PIGA: variants seen among roughly 807,000 people sequenced by gnomAD.
The protein encoded by PIGA is phosphatidylinositol glycan anchor biosynthesis class A, also known as phosphatidylinositol N-acetylglucosaminyltransferase subunit A.
A neutral mutation model predicts 17.1 loss-of-function variants in PIGA; 3 were observed. The observed-to-expected ratio is 0.18, with a 90% CI of 0.08 to 0.45. PIGA has a LOEUF of 0.45. PIGA is among the 20% of genes least tolerant of loss of function. The probability of loss-of-function intolerance (pLI) is 0.99; values close to 1 mark genes in which losing one functional copy is unlikely to be tolerated. For synonymous variants in PIGA, 126 were observed against 135.1 expected (o/e 0.93, Z 0.47); for missense variants, 231 against 374.1 (o/e 0.62, Z 3.16).
In PIGA at chrX:15,321,574, C is replaced by T. The variant is rs774546648; in HGVS notation, c.1387G>A (p.Ala463Thr). ...CTGTGAGAATAGTTATTAGTCCAGG[C>T]ACCCCGTGGCCCAGTGGCATCTATT... ...VAIDATGPRG[A>T]WTNNYSHSKR... Residue 463 changes from alanine to threonine, a missense_variant, in exon 6 of 6, where the codon GCC becomes ACC. Physicochemically the swap from Ala to Thr is moderately conservative, Grantham distance 58. Coordinates refer to ENST00000333590, the MANE Select transcript of PIGA (RefSeq NM_002641.4). 10 of 1,201,397 alleles carry T rather than the reference C, an allele frequency of 8.3e-6. No homozygotes were observed. In the African/African-American group the frequency reaches 1.2e-4, roughly 15 times the overall value.
chrX:15,325,015 T>C lies in PIGA; in HGVS notation c.981+5A>G, dbSNP rs994376694. The C allele has an allele frequency of 8.4e-7, 1 of 1,194,557 alleles. No homozygotes were observed. Among genetic ancestry groups the C allele is most frequent in the African/African-American group, 1.8e-5 (1 of 56,408 alleles). On this transcript the variant is annotated splice_donor_5th_base_variant and intron_variant, in intron 4 of 5. Transcript: ENST00000333590. ...CCAACCATGAATGCCCTCAAAGCTTTTTACCTGTAAACCACAACTGGCTGC... is the reference window on the plus strand; with the variant it reads ...CCAACCATGAATGCCCTCAAAGCTTCTTACCTGTAAACCACAACTGGCTGC...
chrX:15,323,486 T>C (rs1475339434), intron 5 of PIGA, among the ~76,000 whole-genome samples: 3 of 111,097 alleles, frequency 2.7e-5, no homozygotes, highest in Non-Finnish European at 3.8e-5. Flanking sequence ...GACTCTGACA[T>C]GTACTCCCAA....
chrX:15,333,892 G>A (rs981499308), intron 1 of PIGA, among the ~76,000 whole-genome samples: 14 of 111,637 alleles, frequency 1.3e-4, no homozygotes, highest in African/African-American at 3.6e-4. Context: ...TTTAAAGTGC[G>A]AAATGTTTAT....
rs1051121934 is a variant in PIGA at position 15,321,071 on chromosome X, A to G, written c.*435T>C. The G allele has an allele frequency of 8.5e-6, 1 of 117,737 alleles. No homozygotes were observed. The highest frequency in any genetic ancestry group is 1.8e-5 in the Non-Finnish European group (1 of 56,301). 9.7% of individuals were successfully genotyped at this position (117,737 alleles called of 1,213,427 possible). On this transcript the variant is annotated 3_prime_UTR_variant, in exon 6 of 6. Coordinates refer to ENST00000333590, the MANE Select transcript of PIGA (RefSeq NM_002641.4). The stretch of plus-strand genomic sequence containing the variant: ...AGATTCCTAATAAATGTATATGAAC[A>G]TGATATAAAACAGTTCATATAATTG...
chrX:15,321,381 A>G lies in PIGA; in HGVS notation c.*125T>C, dbSNP rs1341538486. The G allele has an allele frequency of 1.9e-5, 10 of 524,377 alleles. No homozygotes were observed. The highest frequency in any genetic ancestry group is 1.6e-5 in the Non-Finnish European group (5 of 309,727). 43.2% of individuals were successfully genotyped at this position (524,377 alleles called of 1,213,427 possible). ...TCCTCAACAGAAAATATTGAATGAT[A>G]TAGAGGTAGCATAACTTACTAAATT... On this transcript the variant is annotated 3_prime_UTR_variant, in exon 6 of 6. Transcript: ENST00000333590.
chrX:15,321,832 G>A, intron 5 of PIGA, 60 bp from the exon 6 acceptor site: 1 of 1,026,835 alleles, frequency 9.7e-7, no homozygotes, highest in Non-Finnish European at 1.3e-6. Context: ...CCTGTCCCAT[G>A]ATAAACAATG....
At chrX:15,324,997 T>C in intron 4 of PIGA, 23 bp downstream of exon 4, 1 of 1,186,696 alleles carries the variant, frequency 8.4e-7, no homozygotes, top group Non-Finnish European at 1.1e-6. Flanking sequence ...ATCCCAACCA[T>C]GAATGCCCTC....
chrX:15,321,448 T>G lies in PIGA; in HGVS notation c.*58A>C, dbSNP rs758351965. The G allele has an allele frequency of 4.8e-4, 512 of 1,056,821 alleles. 5 individuals are homozygous for G. In the African/African-American group the frequency reaches 8.3e-3, roughly 17 times the overall value. The allele number at this position is 1,056,821 out of a possible 1,213,427, so 87.1% of individuals were successfully genotyped here. A position where few individuals can be genotyped will look rare whatever the true frequency, so the allele number is the denominator to read the frequency against. On this transcript the variant is annotated 3_prime_UTR_variant, in exon 6 of 6. Coordinates refer to ENST00000333590, the MANE Select transcript of PIGA (RefSeq NM_002641.4). ...AAACCCCCCAAAAGCAAGGTTATTT[T>G]CCATAGTCTTTATAGAACTATTACA...
At position 15,320,430 on chromosome X, in the gene PIGA, T is replaced by C. The variant is rs1020244446; in HGVS notation, c.*1076A>G. On this transcript the variant is annotated 3_prime_UTR_variant, in exon 6 of 6. Coordinates refer to ENST00000333590, the MANE Select transcript of PIGA (RefSeq NM_002641.4). ...TTCTAAAATTTTCAACTTAGTTTGC[T>C]ATAAATAAACCATTCTGAAGTAAAG... is the stretch of plus-strand genomic sequence containing the variant. 4.4e-5 allele frequency: 5 copies of C among 112,528 alleles called. No homozygotes were observed. The highest frequency in any genetic ancestry group is 1.6e-4 in the African/African-American group (5 of 30,923). 9.3% of individuals were successfully genotyped at this position (112,528 alleles called of 1,213,427 possible).
rs780815350 is a variant in PIGA, at chrX:15,321,734, C to T, written c.1227G>A (p.Met409Ile). ...AAATAAGTCTGTCCAGTCGTTTGTC[C>T]ATTGGCAACACAGCTTCCACTGATA... is the stretch of plus-strand genomic sequence containing the variant. ...DRVSVEAVLP[M>I]DKRLDRLISH... is the part of the protein sequence containing the mutation. The change falls in exon 6 of 6, where the codon ATG (methionine) becomes ATA (isoleucine). Residue 409 changes from methionine (M) to isoleucine (I), a missense_variant. Met to Ile is a conservative substitution (Grantham distance 10). Coordinates refer to ENST00000333590, the MANE Select transcript of PIGA (RefSeq NM_002641.4). 1 of 1,210,504 alleles carries T rather than the reference C, an allele frequency of 8.3e-7. No individual in the cohort carries two copies. The highest frequency in any genetic ancestry group is 3.0e-5 in the East Asian group (1 of 33,853).
chrX:15,321,671 C>T lies in PIGA; in HGVS notation c.1290G>A (p.Leu430=). ...GGAAGAGGAAGTTGAAAACTGCCAA[C>T]AAAGCAAAGATGTAGCCTGTTACTG... ...CGPVTGYIFA[L]LAVFNFLFLI... Residue 430 remains leucine, a synonymous_variant, in exon 6 of 6, where the codon TTG becomes TTA. Coordinates refer to ENST00000333590, the MANE Select transcript of PIGA (RefSeq NM_002641.4). 8.3e-7 allele frequency: 1 copy of T among 1,210,145 alleles called. No individual in the cohort carries two copies. Among genetic ancestry groups the T allele is most frequent in the Non-Finnish European group, 1.1e-6 (1 of 894,094 alleles).
At chrX:15,324,611 C>A (rs1334109954) in intron 5 of PIGA, 54 bp downstream of exon 5, 25 of 908,704 alleles carry the variant, frequency 2.8e-5, no homozygotes, top group South Asian at 4.3e-5. Flanking sequence ...CAAATGTGTA[C>A]GTGAAACATC....
Sources: gnomAD v4.1 joint callset for allele counts (sites outside exome capture counted in the v4.1 genomes callset) on GRCh38, gnomAD v4.1.1 for gene constraint, MANE v1.5 for transcripts, NCBI Gene and HGNC (gene_info 2026-07-23, HGNC 2026-07-21) for gene names.